The following SYT14 variants were observed in gnomAD, a reference collection of about 807,000 sequenced individuals.
The protein encoded by SYT14 is synaptotagmin-14.
SYT14 carries 32 observed loss-of-function variants against 74.2 expected under a neutral mutation model. The observed-to-expected ratio is 0.43, with a 90% confidence interval of 0.33 to 0.58. SYT14 has a LOEUF of 0.58. SYT14 is among the 20% of genes least tolerant of loss of function. SYT14 has a pLI of 0.05. For synonymous variants in SYT14, 298 were observed against 337.7 expected, an observed-to-expected ratio of 0.88 and a Z score of 1.29; for missense variants, 791 against 981.8, an observed-to-expected ratio of 0.81 and a Z score of 2.60.
chr1:210,102,292 C>T (rs1012600118), intron 7 of SYT14, among the ~76,000 whole-genome samples: 3 of 152,094 alleles, frequency 2.0e-5, no homozygotes, highest in Non-Finnish European at 4.4e-5. Flanking sequence ...CTGTCGTTCT[C>T]CTCTAAAGAT....
At chr1:210,116,666 C>A (rs1440128287) in intron 7 of SYT14, among the ~76,000 whole-genome samples, 3 of 152,140 alleles carry the variant, frequency 2.0e-5, no homozygotes, top group Non-Finnish European at 2.9e-5. Flanking sequence ...TGTTTTATAT[C>A]TTAATCTAGA....
chr1:210,025,249 C>G (rs1196424654), intron 5 of SYT14, among the ~76,000 whole-genome samples: 2 of 152,196 alleles, frequency 1.3e-5, no homozygotes, highest in African/African-American at 4.8e-5. Context: ...TGTGGCTGAT[C>G]ACCCACCTAA....
chr1:210,170,828 A>G (rs903432165), exon 10 of SYT14: 63 of 152,172 alleles, frequency 4.1e-4, no homozygotes, highest in African/African-American at 1.4e-3. Flanking sequence ...TATTACTCTC[A>G]AAAGGTTTGG....
At chr1:210,121,621 T>C (rs910464093) in intron 7 of SYT14, among the ~76,000 whole-genome samples, 30 of 152,028 alleles carry the variant, frequency 2.0e-4, no homozygotes, top group South Asian at 1.0e-3. Flanking sequence ...GGTGAAACTC[T>C]GTCTCTACTA....
intron 5 of SYT14, among the ~76,000 whole-genome samples, chr1:210,049,974 G>A (rs988565065): frequency 6.6e-6 from 1 of 152,158 alleles, no homozygotes; most frequent in Admixed American, 6.5e-5. Flanking sequence ...ACATGCCCTG[G>A]AGACATTTTC....
chr1:210,133,424 TATA>T (rs2102646634), intron 7 of SYT14, among the ~76,000 whole-genome samples: 1 of 152,338 alleles, frequency 6.6e-6, no homozygotes, highest in South Asian at 2.1e-4. Flanking sequence ...TTACTGAAAG[TATA>T]ATAAGAAATG....
intron 2 of SYT14, among the ~76,000 whole-genome samples, chr1:210,011,361 T>C (rs1003449678): frequency 2.6e-5 from 4 of 152,198 alleles, no homozygotes; most frequent in African/African-American, 4.8e-5. Context: ...ATCATTTTCT[T>C]CCCTGGCTGT....
chr1:210,014,334 T>A (rs2080142997), intron 3 of SYT14, among the ~76,000 whole-genome samples: 1 of 151,882 alleles, frequency 6.6e-6, no homozygotes, highest in Non-Finnish European at 1.5e-5. Context: ...CTTGGCACCA[T>A]ATATTATAGT....
intron 1 of SYT14, among the ~76,000 whole-genome samples, chr1:209,949,806 C>A (rs1156687883): frequency 1.3e-5 from 2 of 152,032 alleles, no homozygotes; most frequent in Non-Finnish European, 2.9e-5. Flanking sequence ...GGACAAATAC[C>A]AAGAAAGGTC....
intron 7 of SYT14, among the ~76,000 whole-genome samples, chr1:210,110,821 C>T (rs1204278765): frequency 6.6e-6 from 1 of 152,102 alleles, no homozygotes; most frequent in Non-Finnish European, 1.5e-5. Context: ...CTCAGCTTAC[C>T]ACAACCTCTG....
At chr1:209,973,981 A>C (rs551520786) in intron 2 of SYT14, among the ~76,000 whole-genome samples, 1 of 151,484 alleles carries the variant, frequency 6.6e-6, no homozygotes. Context: ...GCATTTTTTC[A>C]TGTGTCTTTT....
At chr1:210,159,913 T>C (rs941209281) in intron 9 of SYT14, among the ~76,000 whole-genome samples, 1 of 152,198 alleles carries the variant, frequency 6.6e-6, no homozygotes, top group Admixed American at 6.5e-5. Context: ...AATGAACTGT[T>C]ATGTTTCACT....
chr1:210,162,630 C>T (rs1389050746), exon 10 of SYT14: 9 of 410,832 alleles, frequency 2.2e-5, no homozygotes, highest in African/African-American at 8.4e-5. Context: ...TGCTTCTAGT[C>T]CCAACTAAGT....
At chr1:210,139,816 T>C (rs371458784) in intron 7 of SYT14, among the ~76,000 whole-genome samples, 18 of 152,314 alleles carry the variant, frequency 1.2e-4, no homozygotes, top group Admixed American at 7.2e-4. Context: ...CCATACTTCA[T>C]TGTTTTTTGG....
At chr1:210,028,241 A>G (rs915475157) in intron 5 of SYT14, among the ~76,000 whole-genome samples, 2 of 148,502 alleles carry the variant, frequency 1.3e-5, no homozygotes, top group African/African-American at 5.0e-5. Flanking sequence ...TCAGAATTTT[A>G]TTCCTTTTTT....
chr1:210,067,227 G>C (rs1000388058), intron 5 of SYT14, among the ~76,000 whole-genome samples: 3 of 152,002 alleles, frequency 2.0e-5, no homozygotes, highest in African/African-American at 7.2e-5. Context: ...ATCATAAAGT[G>C]TGAGTCTTCC....
intron 7 of SYT14, among the ~76,000 whole-genome samples, chr1:210,153,338 A>T (rs542579274): frequency 6.6e-6 from 1 of 152,130 alleles, no homozygotes; most frequent in Non-Finnish European, 1.5e-5. Context: ...AAACAATTCA[A>T]AGAAACCTGC....
At chr1:209,987,355 G>A (rs1247740785) in intron 2 of SYT14, among the ~76,000 whole-genome samples, 2 of 152,224 alleles carry the variant, frequency 1.3e-5, no homozygotes, top group African/African-American at 4.8e-5. Context: ...AAGTTTTGTA[G>A]GCTGTGCAAG....
intron 2 of SYT14, among the ~76,000 whole-genome samples, chr1:209,995,698 A>G (rs1164220095): frequency 6.6e-6 from 1 of 152,194 alleles, no homozygotes; most frequent in African/African-American, 2.4e-5. Context: ...TCATATGCAT[A>G]CTGAACATAT....
Sources: gnomAD v4.1 joint callset for allele counts (sites outside exome capture counted in the v4.1 genomes callset) on GRCh38, gnomAD v4.1.1 for gene constraint, MANE v1.5 for transcripts, NCBI Gene and HGNC (gene_info 2026-07-23, HGNC 2026-07-21) for gene names.